Variants in FAIM observed in about 807,000 individuals in gnomAD.
The protein encoded by FAIM is Fas apoptotic inhibitory molecule, also known as fas apoptotic inhibitory molecule 1.
FAIM carries 14 observed loss-of-function variants against 21.2 expected under a neutral mutation model. That is an observed-to-expected ratio of 0.66 (90% CI 0.44 to 1.03). The LOEUF is 1.03. Ranked by LOEUF, FAIM falls within the 50% of genes least tolerant of loss-of-function variation. The pLI, the probability that FAIM is intolerant of heterozygous loss-of-function variation, is 0.00. For missense variants in FAIM, 222 were observed against 247.1 expected (o/e 0.90, Z 0.68); for synonymous variants, 86 against 80.4 (o/e 1.07, Z -0.37).
At chr3:138,627,196 T>C (rs73229547) in intron 4 of FAIM, among the ~76,000 whole-genome samples, 39 of 151,790 alleles carry the variant, frequency 2.6e-4, no homozygotes, top group African/African-American at 8.9e-4. Context: ...TTTTTTTTTT[T>C]CCCAAGACAG....
intron 1 of FAIM, chr3:138,610,894 A>G: frequency 1.4e-6 from 2 of 1,474,984 alleles, no homozygotes; most frequent in Non-Finnish European, 9.5e-7. Flanking sequence ...ACTTTCTCCA[A>G]AGTTTTAAAC....
chr3:138,617,619 A>G (rs951942233), intron 1 of FAIM, among the ~76,000 whole-genome samples: 2 of 139,042 alleles, frequency 1.4e-5, no homozygotes, highest in African/African-American at 2.7e-5. Flanking sequence ...CTATCTGTCT[A>G]TCTATAATAG....
intron 4 of FAIM, among the ~76,000 whole-genome samples, chr3:138,624,298 AATTGAT>A (rs368246316): frequency 1.2e-4 from 18 of 152,344 alleles, no homozygotes; most frequent in African/African-American, 4.3e-4. Context: ...CTTGTAATAC[AATTGAT>A]ATTAACTTTT....
chr3:138,619,597 A>T, intron 1 of FAIM, 114 bp from the exon 2 acceptor site: 1 of 837,720 alleles, frequency 1.2e-6, no homozygotes, highest in Non-Finnish European at 1.9e-6. Context: ...CATGTAATTT[A>T]ATAAATGGAT....
intron 4 of FAIM, among the ~76,000 whole-genome samples, chr3:138,626,399 T>C (rs2042939220): frequency 6.6e-6 from 1 of 152,244 alleles, no homozygotes; most frequent in Non-Finnish European, 1.5e-5. Context: ...CCATTTTTAG[T>C]GTCACTCTAG....
At chr3:138,632,078 C>A (rs977679383) in intron 5 of FAIM, among the ~76,000 whole-genome samples, 1 of 151,610 alleles carries the variant, frequency 6.6e-6, no homozygotes, top group Non-Finnish European at 1.5e-5. Flanking sequence ...TTCTTTCTTC[C>A]TTCCTTCTCT....
rs139690365 is a variant in FAIM at position 138,612,380 on chromosome 3, C to T, written c.-17+3443C>T. ...CCTCCCAAAGTGCTGGGATTACAGGCGTGAGTCACCGCGCCCGGCCTTGTC... is the reference window on the plus strand; with the variant it reads ...CCTCCCAAAGTGCTGGGATTACAGGTGTGAGTCACCGCGCCCGGCCTTGTC... On this transcript the variant is annotated intron_variant, in intron 1 of 5. Transcript: ENST00000360570. 7.4e-4 allele frequency among the ~76,000 whole-genome samples: 113 copies of T among 152,114 alleles called. 3 individuals carry two copies. In the East Asian group the frequency reaches 0.02, roughly 28 times the overall value.
intron 1 of FAIM, chr3:138,611,137 A>G (rs548137847): frequency 2.6e-4 from 243 of 937,838 alleles, no homozygotes; most frequent in Middle Eastern, 1.1e-3. Flanking sequence ...TTGAATTTGT[A>G]ACTTAGAGAT....
chr3:138,630,467 A>G (rs1462526304), intron 5 of FAIM: 1 of 152,160 alleles, frequency 6.6e-6, no homozygotes, highest in Non-Finnish European at 1.5e-5. Context: ...AAATTAATCA[A>G]TCAATTGAAA....
chr3:138,622,696 G>A (rs1165891489), intron 4 of FAIM, among the ~76,000 whole-genome samples: 1 of 151,934 alleles, frequency 6.6e-6, no homozygotes, highest in African/African-American at 2.4e-5. Context: ...GATATCTTAA[G>A]CCAGGTTTTA....
chr3:138,615,995 T>C (rs1334171360), intron 1 of FAIM, among the ~76,000 whole-genome samples: 1 of 152,224 alleles, frequency 6.6e-6, no homozygotes, highest in African/African-American at 2.4e-5. Flanking sequence ...GGTAAGATCA[T>C]TTGAAAAGTT....
At chr3:138,612,401 T>C (rs987700843) in intron 1 of FAIM, among the ~76,000 whole-genome samples, 5 of 152,148 alleles carry the variant, frequency 3.3e-5, no homozygotes, top group Non-Finnish European at 5.9e-5. Flanking sequence ...GCGCCCGGCC[T>C]TGTCTGGCTA....
intron 1 of FAIM, among the ~76,000 whole-genome samples, chr3:138,617,461 A>ACCC (rs2042836952): frequency 6.8e-6 from 1 of 147,076 alleles, no homozygotes; most frequent in African/African-American, 2.5e-5. Flanking sequence ...TAGTATTTAT[A>ACCC]TGTACTCCAG....
At chr3:138,626,124 A>G (rs564298585) in intron 4 of FAIM, among the ~76,000 whole-genome samples, 1 of 152,314 alleles carries the variant, frequency 6.6e-6, no homozygotes, top group African/African-American at 2.4e-5. Context: ...GTCCCTAGCT[A>G]TTGTTCATGC....
chr3:138,621,711 C>T (rs956833138), intron 3 of FAIM, among the ~76,000 whole-genome samples, 172 bp downstream of exon 3: 4 of 152,048 alleles, frequency 2.6e-5, no homozygotes, highest in South Asian at 2.1e-4. Context: ...TGGAATATAG[C>T]GTGTAATATT....
intron 5 of FAIM, among the ~76,000 whole-genome samples, chr3:138,632,700 C>G (rs988926013): frequency 6.6e-6 from 1 of 151,962 alleles, no homozygotes; most frequent in Non-Finnish European, 1.5e-5. Context: ...TATTCCTCCC[C>G]CAAGAATTTA....
intron 1 of FAIM, among the ~76,000 whole-genome samples, chr3:138,615,537 A>G (rs774236855): frequency 6.6e-6 from 1 of 152,204 alleles, no homozygotes; most frequent in Non-Finnish European, 1.5e-5. Context: ...GTAAACATTG[A>G]TCTCTGTGCT....
chr3:138,618,710 T>A (rs999808777), intron 1 of FAIM, among the ~76,000 whole-genome samples: 16 of 152,316 alleles, frequency 1.1e-4, no homozygotes, highest in African/African-American at 3.8e-4. Flanking sequence ...GACTTCTGGC[T>A]GTTTCCAGAC....
At chr3:138,612,718 T>C (rs571809767) in intron 1 of FAIM, among the ~76,000 whole-genome samples, 1 of 152,338 alleles carries the variant, frequency 6.6e-6, no homozygotes, top group South Asian at 2.1e-4. Flanking sequence ...TGCTAGGTCA[T>C]ATAGTAATTC....
Sources: allele counts gnomAD v4.1 joint callset (sites outside exome capture counted in the v4.1 genomes callset), GRCh38; gene constraint gnomAD v4.1.1; transcripts MANE v1.5; gene names NCBI Gene and HGNC (gene_info 2026-07-23, HGNC 2026-07-21).